The following PELI2 variants were observed in gnomAD, a reference collection of about 807,000 sequenced individuals.
PELI2 encodes the protein pellino E3 ubiquitin protein ligase family member 2.
In PELI2, 23 loss-of-function variants were observed where a neutral mutation model predicts 42.3. The observed-to-expected ratio is 0.54, with a 90% CI of 0.39 to 0.77. PELI2 has a LOEUF of 0.77. Among genes scored for constraint, PELI2 ranks in the 30% least tolerant of loss-of-function variants. PELI2 has a pLI of 0.00. For synonymous variants in PELI2, 245 were observed against 212.2 expected (o/e 1.15, Z -1.34); for missense variants, 463 against 553.2 (o/e 0.84, Z 1.64).
intron 1 of PELI2, among the ~76,000 whole-genome samples, chr14:56,124,992 G>C (rs893097152): frequency 3.9e-5 from 6 of 152,190 alleles, no homozygotes; most frequent in African/African-American, 1.4e-4. Flanking sequence ...GACTGTCTCA[G>C]GGTTTTGCTA....
chr14:56,264,345 CAT>C (rs1888824961), intron 2 of PELI2, among the ~76,000 whole-genome samples: 1 of 152,164 alleles, frequency 6.6e-6, no homozygotes, highest in Admixed American at 6.5e-5. Flanking sequence ...AGAGAAACTA[CAT>C]GTTAGATTAT....
At chr14:56,284,950 A>C (rs1889599168) in intron 3 of PELI2, among the ~76,000 whole-genome samples, 1 of 152,230 alleles carries the variant, frequency 6.6e-6, no homozygotes, top group African/African-American at 2.4e-5. Context: ...CAGTGAACTC[A>C]GATGGACTTG....
At chr14:56,142,158 G>A (rs956388096) in intron 1 of PELI2, among the ~76,000 whole-genome samples, 3 of 152,110 alleles carry the variant, frequency 2.0e-5, no homozygotes, top group African/African-American at 7.2e-5. Context: ...ACCCTTTAAA[G>A]TTAAAACAAA....
chr14:56,191,633 A>C (rs1337625049), intron 2 of PELI2, among the ~76,000 whole-genome samples: 1 of 152,220 alleles, frequency 6.6e-6, no homozygotes, highest in Non-Finnish European at 1.5e-5. Context: ...AACTCCTTCC[A>C]TTCCTTGCCC....
intron 1 of PELI2, among the ~76,000 whole-genome samples, chr14:56,157,665 C>G (rs1408697427): frequency 1.3e-5 from 2 of 152,138 alleles, no homozygotes; most frequent in African/African-American, 4.8e-5. Flanking sequence ...TGGCTGTTGT[C>G]CATTAATGTT....
intron 1 of PELI2, among the ~76,000 whole-genome samples, chr14:56,166,679 TG>T (rs1884975719): frequency 6.6e-6 from 1 of 152,246 alleles, no homozygotes; most frequent in African/African-American, 2.4e-5. Context: ...CAGCACTTTA[TG>T]TCATGCTACT....
chr14:56,215,163 T>C (rs1037867507), intron 2 of PELI2, among the ~76,000 whole-genome samples: 3 of 152,236 alleles, frequency 2.0e-5, no homozygotes. Flanking sequence ...CAGAATAGAT[T>C]TCTATCAGCC....
chr14:56,211,823 A>G (rs994447952), intron 2 of PELI2, among the ~76,000 whole-genome samples: 4 of 151,642 alleles, frequency 2.6e-5, no homozygotes, highest in Admixed American at 6.6e-5. Flanking sequence ...ACTTTTTGGT[A>G]TATCTAGGCA....
rs773083575 is a variant in PELI2 at position 56,180,961 on chromosome 14, A to G, written c.207+2497A>G. Among the ~76,000 whole-genome samples, 2 of 151,934 alleles carry G rather than the reference A, an allele frequency of 1.3e-5. No homozygotes were observed. Among genetic ancestry groups the G allele is most frequent in the African/African-American group, 2.4e-5 (1 of 41,340 alleles). The stretch of plus-strand genomic sequence containing the variant: ...AATGCACTCTTTTGTTATTTTTTCC[A>G]TCTTATGTTTGTGGAACATATTTCA... On this transcript the variant is annotated intron_variant, in intron 2 of 5. Coordinates refer to ENST00000267460, the MANE Select transcript of PELI2 (RefSeq NM_021255.3). This position sits in a 1 kb window ranked among gnomAD's most constrained non-coding sequence, Gnocchi z 4.4.
At chr14:56,120,854 A>G (rs1428397035) in intron 1 of PELI2, among the ~76,000 whole-genome samples, 4 of 152,120 alleles carry the variant, frequency 2.6e-5, no homozygotes. Flanking sequence ...AGGAGGTGAA[A>G]TGTGAGTAGA....
intron 2 of PELI2, among the ~76,000 whole-genome samples, chr14:56,190,711 A>G (rs374827947): frequency 9.2e-5 from 14 of 152,346 alleles, no homozygotes; most frequent in African/African-American, 3.4e-4. Flanking sequence ...ATTGCTATAT[A>G]ATATTCCATT....
chr14:56,185,782 T>G (rs1449931497), intron 2 of PELI2, among the ~76,000 whole-genome samples: 1 of 152,348 alleles, frequency 6.6e-6, no homozygotes, highest in African/African-American at 2.4e-5. Context: ...CAACTAATTT[T>G]GTGTGTATGT....
chr14:56,139,226 C>T (rs1883808321), intron 1 of PELI2, among the ~76,000 whole-genome samples: 1 of 151,962 alleles, frequency 6.6e-6, no homozygotes, highest in African/African-American at 2.4e-5. Flanking sequence ...ACAGATGGGC[C>T]AAGGAAGGTG....
At chr14:56,151,360 C>A (rs2343376) in intron 1 of PELI2, among the ~76,000 whole-genome samples, 20,510 of 152,262 alleles carry the variant, frequency 0.13, 1,530 homozygotes, top group Middle Eastern at 0.18. Flanking sequence ...ATGCTTACTG[C>A]TCATCCTTGC....
intron 1 of PELI2, among the ~76,000 whole-genome samples, chr14:56,166,255 G>A (rs760034273): frequency 2.0e-5 from 3 of 152,094 alleles, no homozygotes; most frequent in Non-Finnish European, 4.4e-5. Context: ...TAAGAAAAAT[G>A]CTATGCCTTA....
chr14:56,132,830 TA>T (rs945239891), intron 1 of PELI2, among the ~76,000 whole-genome samples: 5 of 152,294 alleles, frequency 3.3e-5, no homozygotes, highest in African/African-American at 9.6e-5. Context: ...CAGTTTTCCC[TA>T]GGTTAAGCCA....
chr14:56,126,441 T>C (rs1883265870), intron 1 of PELI2, among the ~76,000 whole-genome samples: 1 of 152,256 alleles, frequency 6.6e-6, no homozygotes, highest in Admixed American at 6.5e-5. Context: ...TTATCCCTGC[T>C]TTTCTGCTCA....
At position 56,242,081 on chromosome 14, in the gene PELI2, T is replaced by C. The variant is rs962675341; in HGVS notation, c.208-37595T>C. On this transcript the variant is annotated intron_variant, in intron 2 of 5. Coordinates refer to ENST00000267460, the MANE Select transcript of PELI2 (RefSeq NM_021255.3). ...GGTAGGCAGAGGCCTGTGGAAGGAATGGCTGTGTGCGAGGGGTCCAGGGAA... is the reference window on the plus strand; with the variant it reads ...GGTAGGCAGAGGCCTGTGGAAGGAACGGCTGTGTGCGAGGGGTCCAGGGAA... Among the ~76,000 whole-genome samples the C allele has an allele frequency of 5.3e-5, 8 of 152,280 alleles. No individual in the cohort carries two copies. In the East Asian group the frequency reaches 1.5e-3, roughly 29 times the overall value.
Position 56,194,104 on chromosome 14 carries a change from C to T in PELI2, c.207+15640C>T, listed in dbSNP as rs553094678. ...TGTTTCTGAACTTTATGGACTTGTA[C>T]GTCGTAGGAAGCACTGATAAAAATG... On this transcript the variant is annotated intron_variant, in intron 2 of 5. Coordinates refer to ENST00000267460, the MANE Select transcript of PELI2 (RefSeq NM_021255.3). Among the ~76,000 whole-genome samples the T allele has an allele frequency of 3.9e-5, 6 of 152,156 alleles. 1 individual carries two copies. In the South Asian group the frequency reaches 8.3e-4, roughly 21 times the overall value.
Sources: allele counts gnomAD v4.1 joint callset (sites outside exome capture counted in the v4.1 genomes callset), GRCh38; gene constraint gnomAD v4.1.1; non-coding constraint Gnocchi (gnomAD v3.1); transcripts MANE v1.5; gene names NCBI Gene and HGNC (gene_info 2026-07-23, HGNC 2026-07-21).